The following NDUFA10 variants were observed in gnomAD, a reference collection of about 807,000 sequenced individuals.
The protein encoded by NDUFA10 is NADH:ubiquinone oxidoreductase subunit A10.
NDUFA10 carries 40 observed loss-of-function variants against 47.8 expected under a neutral mutation model. That is an observed-to-expected ratio of 0.84 (90% confidence interval 0.65 to 1.09). The LOEUF is 1.09. Ranked by LOEUF, NDUFA10 falls within the 50% of genes least tolerant of loss-of-function variation. The pLI is 0.00. For missense variants in NDUFA10, 413 were observed against 451.1 expected, an observed-to-expected ratio of 0.92 and a Z score of 0.76; for synonymous variants, 183 against 172.2, an observed-to-expected ratio of 1.06 and a Z score of -0.49.
At chr2:239,976,720 G>A (rs1695538698) in intron 9 of NDUFA10, 1 of 152,260 alleles carries the variant, frequency 6.6e-6, no homozygotes, top group Non-Finnish European at 1.5e-5. Context: ...TGAGTGTACT[G>A]AAGAGTGACA....
chr2:239,965,592 C>T (rs376354019), intron 9 of NDUFA10, among the ~76,000 whole-genome samples: 58 of 152,290 alleles, frequency 3.8e-4, no homozygotes, highest in African/African-American at 1.3e-3. Flanking sequence ...TCACGGTGCC[C>T]GGGTGCGTGA....
At chr2:239,975,229 G>A (rs1475940829) in intron 9 of NDUFA10, among the ~76,000 whole-genome samples, 11 of 152,314 alleles carry the variant, frequency 7.2e-5, no homozygotes, top group Admixed American at 4.6e-4. Flanking sequence ...CCCCTTTACC[G>A]TCTACCATGA....
intron 9 of NDUFA10, among the ~76,000 whole-genome samples, chr2:239,968,642 G>A (rs1695184243): frequency 1.3e-5 from 2 of 152,168 alleles, no homozygotes; most frequent in African/African-American, 2.4e-5. Context: ...TAAAGGGGTG[G>A]GGCCTAGGCA....
chr2:240,024,340 T>C (rs1697765195), intron 1 of NDUFA10, among the ~76,000 whole-genome samples: 1 of 152,238 alleles, frequency 6.6e-6, no homozygotes, highest in African/African-American at 2.4e-5. Flanking sequence ...ACATAGATAT[T>C]TCCAAGTATT....
intron 8 of NDUFA10, among the ~76,000 whole-genome samples, chr2:240,004,943 G>A (rs1223787170): frequency 1.3e-5 from 2 of 152,118 alleles, no homozygotes; most frequent in Non-Finnish European, 2.9e-5. Flanking sequence ...AAGACATCAA[G>A]AATTTTATCT....
chr2:239,940,823 A>C (rs1694349202), intron 4 of NDUFA10, among the ~76,000 whole-genome samples: 2 of 152,376 alleles, frequency 1.3e-5, no homozygotes, highest in South Asian at 4.1e-4. Context: ...TATACAGCAC[A>C]GAACATTCCC....
At chr2:239,981,973 T>C (rs1695794231) in intron 9 of NDUFA10, 1 of 1,082,134 alleles carries the variant, frequency 9.2e-7, no homozygotes, top group Non-Finnish European at 1.3e-6. Context: ...ACCACTGCCA[T>C]GAAAAGGCAT....
intron 9 of NDUFA10, chr2:239,973,427 CTG>C (rs1321471390): frequency 4.5e-6 from 2 of 445,084 alleles, no homozygotes; most frequent in Non-Finnish European, 9.1e-6. Flanking sequence ...AAAAACATCT[CTG>C]TTTTAAAAAA....
rs964850060 is a variant in NDUFA10, at chr2:239,969,075, C to T, written c.1000-7889G>A. Reference sequence around the variant, plus strand: ...TAGAACAAGATCTAGCACTCAAAAACGTAAAATTTGCAACGTATGGCAAAG... The same window carrying T: ...TAGAACAAGATCTAGCACTCAAAAATGTAAAATTTGCAACGTATGGCAAAG... On this transcript the variant is annotated intron_variant, in intron 9 of 9. Transcript: ENST00000252711. Among the ~76,000 whole-genome samples the T allele has an allele frequency of 5.3e-5, 8 of 152,286 alleles. No individual in the cohort carries two copies. In the East Asian group the frequency reaches 9.6e-4, roughly 18 times the overall value.
In NDUFA10 at chr2:239,987,573, C is replaced by T. The variant is rs949543203; in HGVS notation, c.999+2501G>A. Among the ~76,000 whole-genome samples the T allele has an allele frequency of 2.6e-5, 4 of 151,786 alleles. No homozygotes were observed. The highest frequency in any genetic ancestry group is 4.2e-4 in the South Asian group (2 of 4,796). ...TTTTAGTTTGGAACATCCCAAACTA[C>T]CCAAACTAAAAAAAAACAAATAGGT... On this transcript the variant is annotated intron_variant, in intron 9 of 9. Coordinates refer to ENST00000252711, the MANE Select transcript of NDUFA10 (RefSeq NM_004544.4). The surrounding 1 kb of genome is among the most constrained non-coding windows in gnomAD (Gnocchi z 4.8).
At chr2:239,985,761 A>G (rs1036189610) in intron 9 of NDUFA10, among the ~76,000 whole-genome samples, 1 of 152,104 alleles carries the variant, frequency 6.6e-6, no homozygotes, top group African/African-American at 2.4e-5. Context: ...AATACAAAAA[A>G]TTAGCTGGGC....
At chr2:240,017,065 C>T (rs1272560454) in intron 4 of NDUFA10, among the ~76,000 whole-genome samples, 1 of 152,178 alleles carries the variant, frequency 6.6e-6, no homozygotes, top group African/African-American at 2.4e-5. Context: ...GCTGTGCACG[C>T]CTGTCCCACC....
chr2:239,930,541 G>A (rs1160045670), intron 4 of NDUFA10, among the ~76,000 whole-genome samples: 1 of 151,936 alleles, frequency 6.6e-6, no homozygotes, highest in Admixed American at 6.6e-5. Flanking sequence ...GCACCCCGCT[G>A]TCCGCAGCCT....
chr2:239,926,036 A>G (rs1694059638), intron 4 of NDUFA10, among the ~76,000 whole-genome samples: 1 of 152,246 alleles, frequency 6.6e-6, no homozygotes, highest in Non-Finnish European at 1.5e-5. Flanking sequence ...TTCACACATC[A>G]TTGGTGGGAA....
At chr2:239,993,899 G>A (rs961363520) in intron 8 of NDUFA10, among the ~76,000 whole-genome samples, 11 of 152,116 alleles carry the variant, frequency 7.2e-5, no homozygotes, top group Non-Finnish European at 1.6e-4. Context: ...GACGGCAGGA[G>A]GGAAGGCAAG....
chr2:239,898,449 C>T (rs576154645), intron 4 of NDUFA10, among the ~76,000 whole-genome samples: 7 of 144,376 alleles, frequency 4.8e-5, no homozygotes, highest in East Asian at 2.9e-4. Context: ...TGTCAGCCCC[C>T]GGCCCACAAG....
At position 240,022,221 on chromosome 2, in the gene NDUFA10, A is replaced by G. The variant is rs763960605; in HGVS notation, c.195T>C (p.Asn65=). The G allele has an allele frequency of 1.2e-6, 2 of 1,614,102 alleles. No individual in the cohort carries two copies. The highest frequency in any genetic ancestry group is 8.5e-7 in the Non-Finnish European group (1 of 1,180,024). Residue 65 remains asparagine, a synonymous_variant, in exon 2 of 10, where the codon AAT becomes AAC. Coordinates refer to ENST00000252711, the MANE Select transcript of NDUFA10 (RefSeq NM_004544.4). ...CAAGTTTGCCTTTTCCAGTACATAT[A>G]TTGCCATCTACAGTTATCACTCTGC... ...ERSRVITVDG[N]ICTGKGKLAK...
intron 4 of NDUFA10, among the ~76,000 whole-genome samples, chr2:239,915,766 A>T (rs751388415): frequency 7.9e-5 from 12 of 151,960 alleles, no homozygotes; most frequent in Non-Finnish European, 1.2e-4. Flanking sequence ...GAACACACAA[A>T]TATATACTCA....
chr2:239,936,327 G>A (rs966161313), intron 4 of NDUFA10, among the ~76,000 whole-genome samples: 2 of 152,226 alleles, frequency 1.3e-5, no homozygotes, highest in Non-Finnish European at 2.9e-5. Context: ...GCAGAGAATG[G>A]GCATTGCTCC....
Sources: allele counts gnomAD v4.1 joint callset (sites outside exome capture counted in the v4.1 genomes callset), GRCh38; gene constraint gnomAD v4.1.1; non-coding constraint Gnocchi (gnomAD v3.1); transcripts MANE v1.5; gene names NCBI Gene and HGNC (gene_info 2026-07-23, HGNC 2026-07-21).